MGAT4C: variants seen among roughly 807,000 people sequenced by gnomAD.
MGAT4C encodes MGAT4 family member C.
Under a neutral mutation model 40.1 loss-of-function variants are expected in MGAT4C, and 19 were observed. The ratio of observed to expected loss-of-function variants is 0.47; its 90% confidence interval spans 0.33 to 0.70. The LOEUF (loss-of-function observed/expected upper bound fraction) is 0.70, where lower values mean the gene tolerates loss of function less well. Ranked by LOEUF, MGAT4C falls within the 30% of genes least tolerant of loss-of-function variation. The probability of loss-of-function intolerance (pLI) is 0.02; values close to 1 mark genes in which losing one functional copy is unlikely to be tolerated. For synonymous variants in MGAT4C, 181 were observed against 187.1 expected, an observed-to-expected ratio of 0.97 and a Z score of 0.27; for missense variants, 491 against 563.2, an observed-to-expected ratio of 0.87 and a Z score of 1.30.
At chr12:86,604,559 C>A (rs1227555230) in intron 2 of MGAT4C, among the ~76,000 whole-genome samples, 1 of 152,102 alleles carries the variant, frequency 6.6e-6, no homozygotes, top group African/African-American at 2.4e-5. Flanking sequence ...CCCCTCTATC[C>A]AAATGTACGT....
intron 2 of MGAT4C, among the ~76,000 whole-genome samples, chr12:86,495,863 A>AG (rs1411651309): frequency 8.6e-5 from 13 of 152,042 alleles, no homozygotes; most frequent in Non-Finnish European, 1.5e-5. Flanking sequence ...ATAAGACGCC[A>AG]GACCCCTCAC....
In MGAT4C at chr12:85,979,948, T is replaced by C. The variant is rs1482741387; in HGVS notation, c.778A>G (p.Ile260Val). ...TCATGAGAATGATAGAGTTTACCAA[T>C]GTAGCCAAGCTTAGAGAATTCAAGA... ...VTLEFSKLGYIGKLYHSHDLP... is the reference protein window; with the variant it reads ...VTLEFSKLGYVGKLYHSHDLP... The change falls in exon 5 of 5, where the codon ATT becomes GTT. Residue 260 changes from isoleucine to valine, a missense_variant. By Grantham distance (29) the Ile-to-Val change is conservative. Transcript: ENST00000611864. 3.1e-6 allele frequency: 5 copies of C among 1,613,866 alleles called. No individual in the cohort carries two copies. The highest frequency in any genetic ancestry group is 1.1e-5 in the South Asian group (1 of 91,080).
intron 1 of MGAT4C, among the ~76,000 whole-genome samples, chr12:86,090,808 G>T (rs994308384): frequency 1.3e-5 from 2 of 151,682 alleles, no homozygotes; most frequent in Non-Finnish European, 2.9e-5. Context: ...TGTTTGTTTA[G>T]AAAGGTAGGA....
At chr12:86,579,907 C>T (rs1032288304) in intron 2 of MGAT4C, among the ~76,000 whole-genome samples, 7 of 151,516 alleles carry the variant, frequency 4.6e-5, no homozygotes, top group African/African-American at 1.7e-4. Flanking sequence ...GAAAAGACTG[C>T]TGTCAAATGT....
intron 2 of MGAT4C, among the ~76,000 whole-genome samples, chr12:86,530,842 C>T (rs563371384): frequency 1.1e-4 from 16 of 152,104 alleles, no homozygotes; most frequent in African/African-American, 3.6e-4. Context: ...AATATATACT[C>T]CATTAGGAAT....
At chr12:86,833,655 C>T (rs1952975036) in intron 1 of MGAT4C, among the ~76,000 whole-genome samples, 1 of 151,876 alleles carries the variant, frequency 6.6e-6, no homozygotes, top group Admixed American at 6.6e-5. Flanking sequence ...ATTAATGAAC[C>T]CATCTACAAA....
chr12:86,367,280 C>A (rs145202087), intron 3 of MGAT4C, among the ~76,000 whole-genome samples: 1 of 152,040 alleles, frequency 6.6e-6, no homozygotes, highest in African/African-American at 2.4e-5. Flanking sequence ...AAACTTCACC[C>A]TCATAAAATG....
chr12:86,370,486 T>C (rs1278117256), intron 3 of MGAT4C, among the ~76,000 whole-genome samples: 2 of 152,018 alleles, frequency 1.3e-5, no homozygotes, highest in Admixed American at 1.3e-4. Context: ...CTTTCAGATA[T>C]AAGAAGTTAC....
intron 1 of MGAT4C, among the ~76,000 whole-genome samples, chr12:86,805,914 A>T (rs761482142): frequency 2.0e-5 from 3 of 151,888 alleles, no homozygotes; most frequent in South Asian, 2.1e-4. Flanking sequence ...AGCCATTATG[A>T]CTGGTATGAG....
intron 2 of MGAT4C, among the ~76,000 whole-genome samples, chr12:86,581,205 G>A (rs1960765103): frequency 1.3e-5 from 2 of 151,442 alleles, no homozygotes; most frequent in Admixed American, 1.3e-4. Context: ...GTACAGTGAT[G>A]TTGAGATTTT....
chr12:86,579,755 C>G (rs1309420817), intron 2 of MGAT4C, among the ~76,000 whole-genome samples: 1 of 151,402 alleles, frequency 6.6e-6, no homozygotes, highest in African/African-American at 2.4e-5. Context: ...TGAAATCTAG[C>G]AGGTTTGTTT....
At chr12:85,988,528 T>C (rs73176283) in intron 3 of MGAT4C, among the ~76,000 whole-genome samples, 8,837 of 152,116 alleles carry the variant, frequency 0.058, 350 homozygotes, top group Non-Finnish European at 0.084. Context: ...ATTTCTGAAA[T>C]ATATAAACTG....
rs867754124 is a variant in MGAT4C at position 86,274,962 on chromosome 12, G to A, written c.-57+59103C>T. ...ATCAGACTGCAAAGATTGGCTGAAGGGTAGTCGAACATACGGTAAGGGGCC... is the reference window on the plus strand; with the variant it reads ...ATCAGACTGCAAAGATTGGCTGAAGAGTAGTCGAACATACGGTAAGGGGCC... On this transcript the variant is annotated intron_variant, in intron 4 of 7. Coordinates refer to the MGAT4C transcript ENST00000548651. Among the ~76,000 whole-genome samples the A allele has an allele frequency of 8.7e-4, 133 of 152,282 alleles. 1 individual carries two copies. The highest frequency in any genetic ancestry group is 3.1e-3 in the African/African-American group (130 of 41,562).
intron 2 of MGAT4C, among the ~76,000 whole-genome samples, chr12:86,473,052 T>C (rs536807493): frequency 6.6e-6 from 1 of 152,234 alleles, no homozygotes; most frequent in South Asian, 2.1e-4. Flanking sequence ...GCCTCCCAGG[T>C]TGAAGCAATT....
At chr12:86,255,820 T>C (rs1199420705) in intron 1 of MGAT4C, among the ~76,000 whole-genome samples, 1 of 152,138 alleles carries the variant, frequency 6.6e-6, no homozygotes, top group Non-Finnish European at 1.5e-5. Context: ...ATTTAACAAT[T>C]AGAAACTTTG....
intron 1 of MGAT4C, among the ~76,000 whole-genome samples, chr12:86,237,054 G>T (rs1166878500): frequency 6.6e-6 from 1 of 150,768 alleles, no homozygotes; most frequent in Non-Finnish European, 1.5e-5. Context: ...CATATATTTA[G>T]TGAGGAAAGG....
Position 86,361,690 on chromosome 12 carries a change from C to G in MGAT4C, c.-119-27563G>C, listed in dbSNP as rs1295754155. ...AGTGGGCGAAGGATATTAACAGACACTTCTCAAAAGAAGACATTTATGCAG... is the reference window on the plus strand; with the variant it reads ...AGTGGGCGAAGGATATTAACAGACAGTTCTCAAAAGAAGACATTTATGCAG... On this transcript the variant is annotated intron_variant, in intron 3 of 7. Coordinates refer to the MGAT4C transcript ENST00000548651. Among the ~76,000 whole-genome samples the G allele has an allele frequency of 2.0e-5, 3 of 152,328 alleles. No individual in the cohort carries two copies. The East Asian group carries it at 5.8e-4, about 29-fold the overall frequency.
At chr12:86,434,606 CAGTT>C (rs1402988651) in intron 3 of MGAT4C, among the ~76,000 whole-genome samples, 1 of 151,896 alleles carries the variant, frequency 6.6e-6, no homozygotes, top group African/African-American at 2.4e-5. Context: ...TATATGTGCA[CAGTT>C]ACAGTCTTTA....
chr12:86,821,214 G>T (rs1039733813), intron 1 of MGAT4C, among the ~76,000 whole-genome samples: 1 of 150,776 alleles, frequency 6.6e-6, no homozygotes, highest in Non-Finnish European at 1.5e-5. Context: ...TAGAGACCTT[G>T]CAATGTATTC....
Sources: gnomAD v4.1 joint callset for allele counts (sites outside exome capture counted in the v4.1 genomes callset) on GRCh38, gnomAD v4.1.1 for gene constraint, MANE v1.5 for transcripts, NCBI Gene and HGNC (gene_info 2026-07-23, HGNC 2026-07-21) for gene names.